Variants in MYO16 observed in about 807,000 individuals in gnomAD.
MYO16 encodes the protein myosin XVI.
Under a neutral mutation model 205.3 loss-of-function variants are expected in MYO16, and 94 were observed. That is an observed-to-expected ratio of 0.46 (90% CI 0.39 to 0.54). The LOEUF (loss-of-function observed/expected upper bound fraction) is 0.54, where lower values mean the gene tolerates loss of function less well. Ranked by LOEUF, MYO16 falls within the 20% of genes least tolerant of loss-of-function variation. The pLI, the probability that MYO16 is intolerant of heterozygous loss-of-function variation, is 0.00. For synonymous variants in MYO16, 988 were observed against 954.0 expected (o/e 1.04, Z -0.66); for missense variants, 2,315 against 2,387.5 (o/e 0.97, Z 0.63).
chr13:108,833,554 C>T (rs991036919), intron 9 of MYO16, among the ~76,000 whole-genome samples: 2 of 152,094 alleles, frequency 1.3e-5, no homozygotes, highest in Non-Finnish European at 2.9e-5. Flanking sequence ...TTGTTGTTGT[C>T]CTCATGTATC....
chr13:108,798,371 A>G (rs1886854983), intron 6 of MYO16, among the ~76,000 whole-genome samples: 1 of 152,234 alleles, frequency 6.6e-6, no homozygotes, highest in Non-Finnish European at 1.5e-5. Flanking sequence ...TGGGAATAAA[A>G]TTCTAATAAG....
chr13:109,082,272 C>T (rs972396927), intron 27 of MYO16, among the ~76,000 whole-genome samples: 3 of 152,144 alleles, frequency 2.0e-5, no homozygotes, highest in South Asian at 4.1e-4. Flanking sequence ...CCAGACACTG[C>T]CAGATGCCCT....
the MYO16 span, among the ~76,000 whole-genome samples, chr13:108,541,845 T>C: frequency 6.6e-6 from 1 of 152,112 alleles, no homozygotes; most frequent in Non-Finnish European, 1.5e-5. Flanking sequence ...AAATGAGAAC[T>C]CTTATACATT....
intron 4 of MYO16, among the ~76,000 whole-genome samples, chr13:108,734,775 T>G (rs1383460977): frequency 6.6e-6 from 1 of 152,246 alleles, no homozygotes; most frequent in African/African-American, 2.4e-5. Context: ...GCTTTTGCTA[T>G]CAAGCTTTCT....
chr13:108,739,323 G>A (rs12583715), intron 4 of MYO16, among the ~76,000 whole-genome samples: 36,803 of 151,972 alleles, frequency 0.24, 4,649 homozygotes, highest in Middle Eastern at 0.34. Context: ...CTCTTGTAGG[G>A]CAGACCTGGT....
At chr13:108,546,108 C>T in the MYO16 span, among the ~76,000 whole-genome samples, 6 of 152,104 alleles carry the variant, frequency 3.9e-5, 1 homozygote, top group Admixed American at 3.3e-4. Flanking sequence ...GGGTATAAGG[C>T]CCCCAGTTCT....
chr13:109,148,525 A>G (rs528077411), intron 32 of MYO16, among the ~76,000 whole-genome samples: 20 of 152,338 alleles, frequency 1.3e-4, no homozygotes, highest in African/African-American at 3.4e-4. Flanking sequence ...CATATAAGAG[A>G]CAGAAGGTGC....
chr13:108,556,927 T>C, the MYO16 span, among the ~76,000 whole-genome samples: 1 of 152,184 alleles, frequency 6.6e-6, no homozygotes, highest in Non-Finnish European at 1.5e-5. Context: ...CCTTTGTCAA[T>C]AATCAATTGA....
intron 34 of MYO16, among the ~76,000 whole-genome samples, chr13:109,194,043 A>T (rs1361864987): frequency 6.6e-6 from 1 of 152,160 alleles, no homozygotes. Context: ...AATGACATGC[A>T]TAAGTTATTA....
rs140331771 is a variant in MYO16 at position 108,682,467 on chromosome 13, G to A, written c.292+16318G>A. ...GGTGCTTCCCATTCACTTGTAGTCA[G>A]AGCCGCGGGCACACAGGCTCAAGCC... On this transcript the variant is annotated intron_variant, in intron 2 of 34. Coordinates refer to ENST00000457511, the MANE Select transcript of MYO16 (RefSeq NM_001198950.3). Among the ~76,000 whole-genome samples the A allele has an allele frequency of 2.2e-3, 329 of 151,988 alleles. 2 individuals carry two copies. The highest frequency in any genetic ancestry group is 0.018 in the South Asian group (84 of 4,796).
the MYO16 span, among the ~76,000 whole-genome samples, chr13:108,582,887 T>C: frequency 6.6e-6 from 1 of 152,208 alleles, no homozygotes; most frequent in Non-Finnish European, 1.5e-5. Context: ...TTTGCTGACC[T>C]CTTAGGATTA....
intron 32 of MYO16, among the ~76,000 whole-genome samples, chr13:109,145,175 A>T (rs531101634): frequency 6.6e-6 from 1 of 152,340 alleles, no homozygotes; most frequent in South Asian, 2.1e-4. Flanking sequence ...TTCTCACAAC[A>T]CTATAAGGCA....
At chr13:108,572,021 G>A in the MYO16 span, among the ~76,000 whole-genome samples, 3 of 151,826 alleles carry the variant, frequency 2.0e-5, no homozygotes, top group South Asian at 2.1e-4. Context: ...CCAGGCTCAA[G>A]CAATCTTCCT....
chr13:108,916,100 A>G (rs1881484494), intron 16 of MYO16, among the ~76,000 whole-genome samples: 1 of 152,236 alleles, frequency 6.6e-6, no homozygotes, highest in Non-Finnish European at 1.5e-5. Context: ...TAAGCTGTTT[A>G]CTTAGTAAGT....
chr13:108,523,972 C>T, the MYO16 span, among the ~76,000 whole-genome samples: 12 of 152,122 alleles, frequency 7.9e-5, no homozygotes, highest in Admixed American at 5.9e-4. Flanking sequence ...CTCATGATAG[C>T]GAATGAGTTC....
At chr13:108,893,388 T>A (rs1310117791) in intron 14 of MYO16, among the ~76,000 whole-genome samples, 1 of 152,142 alleles carries the variant, frequency 6.6e-6, no homozygotes, top group East Asian at 1.9e-4. Context: ...CTGTCTGCTG[T>A]AAGAATTTAA....
At chr13:108,954,664 C>T (rs1202214390) in intron 16 of MYO16, among the ~76,000 whole-genome samples, 2 of 152,098 alleles carry the variant, frequency 1.3e-5, no homozygotes, top group Non-Finnish European at 2.9e-5. Flanking sequence ...GTCACTTGTG[C>T]CTGGGAGGCA....
At chr13:108,755,890 T>C (rs778476239) in intron 4 of MYO16, among the ~76,000 whole-genome samples, 4 of 152,206 alleles carry the variant, frequency 2.6e-5, no homozygotes, top group Non-Finnish European at 5.9e-5. Flanking sequence ...GTATTAAATA[T>C]TCAGGAATTT....
intron 2 of MYO16, among the ~76,000 whole-genome samples, chr13:108,710,078 G>T: frequency 1.3e-5 from 1 of 77,538 alleles, no homozygotes; most frequent in African/African-American, 4.8e-5. Context: ...TCTCATTCCT[G>T]GGCATTCCTG....
Sources: allele counts gnomAD v4.1 joint callset (sites outside exome capture counted in the v4.1 genomes callset), GRCh38; gene constraint gnomAD v4.1.1; transcripts MANE v1.5; gene names NCBI Gene and HGNC (gene_info 2026-07-23, HGNC 2026-07-21).